SSMEM1: variants seen among roughly 807,000 people sequenced by gnomAD.
The protein encoded by SSMEM1 is serine-rich single-pass membrane protein 1.
Under a neutral mutation model 9.9 loss-of-function variants are expected in SSMEM1, and 12 were observed. The ratio of observed to expected loss-of-function variants is 1.21; its 90% CI spans 0.78 to 1.96. SSMEM1 has a LOEUF of 1.96. SSMEM1 is among the 30% of genes most tolerant of loss of function. The pLI, the probability that SSMEM1 is intolerant of heterozygous loss-of-function variation, is 0.00. For missense variants in SSMEM1, 259 were observed against 292.2 expected (o/e 0.89, Z 0.83); for synonymous variants, 96 against 98.9 (o/e 0.97, Z 0.17).
chr7:130,212,074 G>A (rs1368504104), intron 1 of SSMEM1, among the ~76,000 whole-genome samples: 2 of 152,266 alleles, frequency 1.3e-5, no homozygotes, highest in East Asian at 3.9e-4. Context: ...TATGTCAAAG[G>A]TGTTAATGAA....
upstream of SSMEM1, chr7:130,205,600 G>T: frequency 1.6e-6 from 1 of 628,830 alleles, no homozygotes; most frequent in Non-Finnish European, 2.8e-6. Flanking sequence ...AAGCTAAGCA[G>T]CAAAATTCAG....
upstream of SSMEM1, among the ~76,000 whole-genome samples, chr7:130,206,021 G>A (rs997370128): frequency 3.3e-5 from 5 of 152,158 alleles, no homozygotes; most frequent in African/African-American, 9.7e-5. Context: ...GTTTAATAGG[G>A]TGCAGCAATA....
chr7:130,207,840 GAGGGAGTGAAGT>G, upstream of SSMEM1: 1 of 1,505,864 alleles, frequency 6.6e-7, no homozygotes, highest in Non-Finnish European at 9.2e-7. Context: ...ATACATCATA[GAGGGAGTGAAGT>G]AGTTCCCAGT....
At chr7:130,207,054 A>G (rs1798495777), upstream of SSMEM1, 1 of 159,128 alleles carries the variant, frequency 6.3e-6, no homozygotes, top group African/African-American at 2.4e-5. Flanking sequence ...TCCTAAGAAG[A>G]AATTGTATGC....
Position 130,216,107 on chromosome 7 carries a change from T to C in SSMEM1, c.372T>C (p.Pro124=). ...NSEVALVNAY[P]EQRRARRQSQ... is the part of the protein sequence containing the mutation. ...AAGTGGCTTTGGTCAATGCCTATCCTGAACAAAGACGAGCCAGGCGCCAGT... is the reference window on the plus strand; with the variant it reads ...AAGTGGCTTTGGTCAATGCCTATCCCGAACAAAGACGAGCCAGGCGCCAGT... Residue 124 remains proline (P), a synonymous_variant, in exon 3 of 3, where the codon CCT becomes CCC. Transcript: ENST00000297819. 1.2e-6 allele frequency: 2 copies of C among 1,614,184 alleles called. No individual in the cohort carries two copies. Among genetic ancestry groups the C allele is most frequent in the Non-Finnish European group, 1.7e-6 (2 of 1,180,042 alleles).
chr7:130,207,752 A>C (rs1798514741), upstream of SSMEM1: 1 of 777,470 alleles, frequency 1.3e-6, no homozygotes, highest in South Asian at 1.4e-5. Context: ...CCACAAACTT[A>C]GAAGTCCAAG....
Position 130,208,055 on chromosome 7 carries a change from G to A in SSMEM1, c.145G>A (p.Val49Ile), listed in dbSNP as rs764983904. The A allele has an allele frequency of 6.8e-5, 110 of 1,613,788 alleles. No homozygotes were observed. Among genetic ancestry groups the A allele is most frequent in the Non-Finnish European group, 9.1e-5 (107 of 1,179,944 alleles). Reference protein sequence around the residue: ...GSFLLWYFVIVFVLMFFSRAS... With the variant: ...GSFLLWYFVIIFVLMFFSRAS... ...CTTCCTGCTTTGGTATTTTGTTATC[G>A]TATTTGTCCTGATGTTCTTCTCTAG... Residue 49 changes from valine to isoleucine, a missense_variant, in exon 1 of 3, where the codon GTA becomes ATA. By Grantham distance (29) the Val-to-Ile change is conservative. Coordinates refer to ENST00000297819, the MANE Select transcript of SSMEM1 (RefSeq NM_145268.4).
upstream of SSMEM1, among the ~76,000 whole-genome samples, chr7:130,206,531 T>C (rs1312473478): frequency 6.6e-6 from 1 of 152,258 alleles, no homozygotes; most frequent in Non-Finnish European, 1.5e-5. Flanking sequence ...CGTGGTATTG[T>C]ATATTAATGA....
Position 130,209,162 on chromosome 7 carries a change from C to T in SSMEM1, c.183+1069C>T, listed in dbSNP as rs139368426. Among the ~76,000 whole-genome samples the T allele has an allele frequency of 2.4e-3, 364 of 152,202 alleles. 3 individuals are homozygous for T. Among genetic ancestry groups the T allele is most frequent in the African/African-American group, 8.1e-3 (336 of 41,522 alleles). On this transcript the variant is annotated intron_variant, in intron 1 of 2. Transcript: ENST00000297819. ...ACAGGCATGAGCCACCGCGCCCAGC[C>T]GTAACCAAGCTCTTATAATTTGCTG...
chr7:130,212,751 AAAAAC>A (rs1798615910), intron 1 of SSMEM1, among the ~76,000 whole-genome samples: 1 of 151,740 alleles, frequency 6.6e-6, no homozygotes, highest in Non-Finnish European at 1.5e-5. Context: ...ACAAAAACAA[AAAAAC>A]AAAACAAAAA....
intron 1 of SSMEM1, among the ~76,000 whole-genome samples, chr7:130,210,770 A>G (rs988039592): frequency 5.9e-5 from 9 of 152,222 alleles, no homozygotes; most frequent in African/African-American, 2.2e-4. Context: ...TTTCGTAACC[A>G]CAGTTCATAT....
At position 130,216,374 on chromosome 7, in the gene SSMEM1, T is replaced by C. The variant is rs1295513244; in HGVS notation, c.639T>C (p.His213=). 1 of 1,614,086 alleles carries C rather than the reference T, an allele frequency of 6.2e-7. No individual in the cohort carries two copies. Among genetic ancestry groups the C allele is most frequent in the African/African-American group, 1.3e-5 (1 of 74,924 alleles). Residue 213 remains histidine (H), a synonymous_variant, in exon 3 of 3, where the codon CAT becomes CAC. Coordinates refer to ENST00000297819, the MANE Select transcript of SSMEM1 (RefSeq NM_145268.4). ...GAACCAACGAATGGTTGGCGCACCA[T>C]TCCCGACAGAAGCCTTCAGTAACAC... ...ALRTNEWLAH[H]SRQKPSVTPP...
chr7:130,211,142 T>A (rs1798583263), intron 1 of SSMEM1, among the ~76,000 whole-genome samples: 1 of 149,714 alleles, frequency 6.7e-6, no homozygotes, highest in African/African-American at 2.5e-5. Flanking sequence ...TCCAAAAGCA[T>A]TTTTTATAAA....
At chr7:130,209,813 C>T (rs867901510) in intron 1 of SSMEM1, among the ~76,000 whole-genome samples, 9 of 152,214 alleles carry the variant, frequency 5.9e-5, no homozygotes, top group Middle Eastern at 3.4e-3. Flanking sequence ...CTCCTGACCT[C>T]GTGATCCACC....
At chr7:130,206,318 A>G (rs2727836), upstream of SSMEM1, among the ~76,000 whole-genome samples, 151,355 of 152,292 alleles carry the variant, frequency 0.99, 75,217 homozygotes, top group Middle Eastern at 1. Context: ...AAGGAGGCGC[A>G]TCCAGCCCAG....
At chr7:130,212,923 G>A (rs1798619461) in intron 1 of SSMEM1, among the ~76,000 whole-genome samples, 7 of 152,104 alleles carry the variant, frequency 4.6e-5, no homozygotes, top group Non-Finnish European at 1.0e-4. Context: ...AAACATTTTG[G>A]TAGATGCTGC....
In SSMEM1 at chr7:130,208,112, A is replaced by T. The variant is rs534971170; in HGVS notation, c.183+19A>T. The T allele has an allele frequency of 1.5e-5, 24 of 1,582,228 alleles. No homozygotes were observed. The East Asian group carries it at 4.7e-4, about 31-fold the overall frequency. On this transcript the variant is annotated intron_variant, in intron 1 of 2. Transcript: ENST00000297819. Reference sequence around the variant, plus strand: ...TGTCTGGGTAGGATATCTTTTTTTCATTTTAAATAATATGTTTACTGTACA... The same window carrying T: ...TGTCTGGGTAGGATATCTTTTTTTCTTTTTAAATAATATGTTTACTGTACA...
At chr7:130,207,481 G>A (rs1481838070), upstream of SSMEM1, among the ~76,000 whole-genome samples, 1 of 152,168 alleles carries the variant, frequency 6.6e-6, no homozygotes, top group African/African-American at 2.4e-5. Flanking sequence ...AGTCACACTG[G>A]AGGTGAGGGC....
At chr7:130,212,772 CAACTA>C (rs1337955719) in intron 1 of SSMEM1, among the ~76,000 whole-genome samples, 1 of 151,378 alleles carries the variant, frequency 6.6e-6, no homozygotes, top group Admixed American at 6.6e-5. Context: ...AAAAAAACAA[CAACTA>C]AACTAATCTG....
Sources: allele counts gnomAD v4.1 joint callset (sites outside exome capture counted in the v4.1 genomes callset), GRCh38; gene constraint gnomAD v4.1.1; transcripts MANE v1.5; gene names NCBI Gene and HGNC (gene_info 2026-07-23, HGNC 2026-07-21).